Variants in CHSY1 observed in about 807,000 individuals in gnomAD.
The protein encoded by CHSY1 is N-acetylgalactosaminyl-proteoglycan 3-beta-glucuronosyltransferase 1.
CHSY1 carries 13 observed loss-of-function variants against 59.8 expected under a neutral mutation model. The observed-to-expected ratio is 0.22, with a 90% CI of 0.14 to 0.35. The LOEUF (loss-of-function observed/expected upper bound fraction) is 0.35. Ranked by LOEUF, CHSY1 falls within the 10% of genes least tolerant of loss-of-function variation. The probability of loss-of-function intolerance (pLI) is 1.00; values close to 1 mark genes in which losing one functional copy is unlikely to be tolerated. For missense variants in CHSY1, 947 were observed against 1,030.6 expected (o/e 0.92, Z 1.11); for synonymous variants, 459 against 401.2 (o/e 1.14, Z -1.72).
chr15:101,210,733 T>C (rs1193524070), intron 2 of CHSY1, among the ~76,000 whole-genome samples: 1 of 152,164 alleles, frequency 6.6e-6, no homozygotes, highest in African/African-American at 2.4e-5. Context: ...GAAGCAAAAT[T>C]ATATCCTCAC....
intron 2 of CHSY1, among the ~76,000 whole-genome samples, chr15:101,232,319 A>C (rs368852792): frequency 2.6e-5 from 4 of 152,252 alleles, no homozygotes; most frequent in African/African-American, 9.6e-5. Flanking sequence ...AAGTTTAATA[A>C]AAGTTCCTCA....
chr15:101,195,277 T>C (rs1156676844), intron 2 of CHSY1, among the ~76,000 whole-genome samples: 1 of 152,216 alleles, frequency 6.6e-6, no homozygotes, highest in East Asian at 1.9e-4. Flanking sequence ...TACATACTCA[T>C]ATATCACACC....
intron 2 of CHSY1, among the ~76,000 whole-genome samples, chr15:101,197,258 T>C (rs181124453): frequency 2.0e-5 from 3 of 152,324 alleles, no homozygotes; most frequent in Non-Finnish European, 2.9e-5. Flanking sequence ...CCTCAAATTA[T>C]TGATATATTT....
chr15:101,235,495 G>C lies in CHSY1; in HGVS notation c.403C>G (p.Pro135Ala), dbSNP rs999939910. Residue 135 changes from proline to alanine, a missense_variant, in exon 2 of 3, where the codon CCA becomes GCA. Around this residue, in one of 4 missense-constraint regions of CHSY1, gnomAD observed 232 missense variants for 188.5 expected, o/e 1.23. Transcript: ENST00000254190. ...SDTSVPIPVV[P>A]LRGVDDSYPP... ...TAGGAGTCGTCCACACCCCGTAGTG[G>C]CACTACTGGAATTGGTACAGATGTG... 1.4e-5 allele frequency: 22 copies of C among 1,613,446 alleles called. No homozygotes were observed. The highest frequency in any genetic ancestry group is 1.2e-4 in the Admixed American group (7 of 60,002).
chr15:101,176,358 T>A lies in CHSY1; in HGVS notation c.*1030A>T. ...CCAAATACATTTTTCCCCAACGTTT[T>A]GATTAGGGTGTATGTGTGTATGTTT... On this transcript the variant is annotated 3_prime_UTR_variant, in exon 3 of 3. Transcript: ENST00000254190. 1 of 398,620 alleles carries A rather than the reference T, an allele frequency of 2.5e-6. No homozygotes were observed. Among genetic ancestry groups the A allele is most frequent in the Non-Finnish European group, 4.4e-6 (1 of 226,052 alleles). 24.7% of individuals were successfully genotyped at this position (398,620 alleles called of 1,614,324 possible). A position where few individuals can be genotyped will look rare whatever the true frequency, so the allele number is the denominator to read the frequency against.
At chr15:101,190,963 T>C (rs8024948) in intron 2 of CHSY1, among the ~76,000 whole-genome samples, 71,449 of 152,038 alleles carry the variant, frequency 0.47, 19,358 homozygotes, top group African/African-American at 0.73. Flanking sequence ...TCTCGCTCAC[T>C]GCCGGGGAGA....
intron 2 of CHSY1, among the ~76,000 whole-genome samples, chr15:101,197,645 C>T (rs1222578419): frequency 1.3e-5 from 2 of 152,036 alleles, no homozygotes; most frequent in Non-Finnish European, 2.9e-5. Context: ...ATGATAAATT[C>T]CTTATATAAT....
At chr15:101,250,077 CA>C (rs2039091539) in intron 1 of CHSY1, among the ~76,000 whole-genome samples, 1 of 152,184 alleles carries the variant, frequency 6.6e-6, no homozygotes, top group South Asian at 2.1e-4. Context: ...ACCAAGACTG[CA>C]TTTAAAAACT....
At chr15:101,184,437 G>C (rs2038325839) in intron 2 of CHSY1, among the ~76,000 whole-genome samples, 1 of 151,130 alleles carries the variant, frequency 6.6e-6, no homozygotes, top group Admixed American at 6.6e-5. Context: ...CTGGAGTGCA[G>C]TGGTGTGATC....
At chr15:101,210,574 A>C (rs1260819578) in intron 2 of CHSY1, among the ~76,000 whole-genome samples, 1 of 152,170 alleles carries the variant, frequency 6.6e-6, no homozygotes, top group Non-Finnish European at 1.5e-5. Flanking sequence ...AAATGGAGGA[A>C]AGTGGAGGGA....
In CHSY1 at chr15:101,230,584, A is replaced by G. The variant is rs1415530703; in HGVS notation, c.816+4498T>C. Among the ~76,000 whole-genome samples, 3 of 152,210 alleles carry G rather than the reference A, an allele frequency of 2.0e-5. No individual in the cohort carries two copies. The East Asian group carries it at 5.8e-4, about 29-fold the overall frequency. ...AAAAAGAAACATTATTTCTTCTATT[A>G]TTAAAGTGAAAAATACCCCAGGCTT... On this transcript the variant is annotated intron_variant, in intron 2 of 2. Transcript: ENST00000254190.
At chr15:101,206,298 C>A (rs1372971992) in intron 2 of CHSY1, among the ~76,000 whole-genome samples, 3 of 152,044 alleles carry the variant, frequency 2.0e-5, no homozygotes, top group African/African-American at 7.2e-5. Flanking sequence ...GGTCTCGAGT[C>A]GGCAGGAGAA....
intron 2 of CHSY1, among the ~76,000 whole-genome samples, chr15:101,197,763 T>C (rs2038523854): frequency 6.6e-6 from 1 of 152,258 alleles, no homozygotes; most frequent in South Asian, 2.1e-4. Flanking sequence ...ATGGAAATAC[T>C]TGTTAGAAGC....
At chr15:101,200,073 T>C (rs536633507) in intron 2 of CHSY1, among the ~76,000 whole-genome samples, 1 of 152,296 alleles carries the variant, frequency 6.6e-6, no homozygotes, top group East Asian at 1.9e-4. Context: ...ACTGTGGCAG[T>C]TATCCAATAT....
chr15:101,211,842 C>T (rs1168231495), intron 2 of CHSY1, among the ~76,000 whole-genome samples: 3 of 151,378 alleles, frequency 2.0e-5, no homozygotes, highest in Admixed American at 6.6e-5. Context: ...ATCTTCCAAG[C>T]GCTCAAGAAT....
At chr15:101,196,591 C>G (rs2038509493) in intron 2 of CHSY1, among the ~76,000 whole-genome samples, 1 of 152,224 alleles carries the variant, frequency 6.6e-6, no homozygotes, top group Non-Finnish European at 1.5e-5. Flanking sequence ...CGGGATTACA[C>G]CCCGAGATCC....
At position 101,221,188 on chromosome 15, in the gene CHSY1, A is replaced by G. The variant is rs1041083246; in HGVS notation, c.816+13894T>C. Among the ~76,000 whole-genome samples the G allele has an allele frequency of 2.0e-5, 3 of 152,174 alleles. No individual in the cohort carries two copies. The East Asian group carries it at 5.8e-4, about 29-fold the overall frequency. On this transcript the variant is annotated intron_variant, in intron 2 of 2. Coordinates refer to ENST00000254190, the MANE Select transcript of CHSY1 (RefSeq NM_014918.5). ...CCTGTCACACGCAGGTACGCAGACA[A>G]ATTTTTAAAAATATATATTAACAGG...
intron 2 of CHSY1, among the ~76,000 whole-genome samples, chr15:101,200,501 C>A (rs977779154): frequency 3.3e-5 from 5 of 152,152 alleles, no homozygotes; most frequent in African/African-American, 9.7e-5. Context: ...TCAGGGCAAA[C>A]TAACAGTACA....
chr15:101,240,292 G>A (rs371855542), intron 1 of CHSY1, among the ~76,000 whole-genome samples: 16 of 152,276 alleles, frequency 1.1e-4, no homozygotes, highest in East Asian at 7.7e-4. Context: ...GGAGGAGGAG[G>A]GGATGCATTA....
Sources: gnomAD v4.1 joint callset for allele counts (sites outside exome capture counted in the v4.1 genomes callset) on GRCh38, gnomAD v4.1.1 for gene constraint, gnomAD v4.1.1 regional missense constraint, MANE v1.5 for transcripts, NCBI Gene and HGNC (gene_info 2026-07-23, HGNC 2026-07-21) for gene names.